Variants in TBX10 observed in about 807,000 individuals in gnomAD.
The protein encoded by TBX10 is T-box transcription factor 10, also known as T-box transcription factor TBX10.
A neutral mutation model predicts 32.4 loss-of-function variants in TBX10; 26 were observed. The ratio of observed to expected loss-of-function variants is 0.80; its 90% CI spans 0.59 to 1.11. TBX10 has a LOEUF of 1.11. Among genes scored for constraint, TBX10 ranks in the 50% most tolerant of loss-of-function variants. TBX10 has a pLI of 0.00. For synonymous variants in TBX10, 195 were observed against 203.1 expected (o/e 0.96, Z 0.34); for missense variants, 490 against 494.5 (o/e 0.99, Z 0.09).
At chr11:67,636,943 T>C (rs970351175) in intron 1 of TBX10, among the ~76,000 whole-genome samples, 5 of 152,214 alleles carry the variant, frequency 3.3e-5, no homozygotes, top group Non-Finnish European at 5.9e-5. Flanking sequence ...CCAGTGTCCA[T>C]TGGAAAATGA....
At chr11:67,640,279 AG>A (rs1248081483), upstream of TBX10, among the ~76,000 whole-genome samples, 4 of 152,250 alleles carry the variant, frequency 2.6e-5, no homozygotes, top group Non-Finnish European at 5.9e-5. Flanking sequence ...CAACGCTGGC[AG>A]GTCCCACAGT....
intron 7 of TBX10, 31 bp downstream of exon 7, chr11:67,632,287 T>C: frequency 6.2e-7 from 1 of 1,611,572 alleles, no homozygotes; most frequent in Non-Finnish European, 8.5e-7. Context: ...TACACCTTAG[T>C]CCCACTATGT....
chr11:67,632,928 T>C lies in TBX10; in HGVS notation c.705+20A>G. ...TGTGAAATGGGCCTGCAGCGGGTGC[T>C]CCCGAGCTGGTTCACCCACCCTGTG... is the stretch of plus-strand genomic sequence containing the variant. On this transcript the variant is annotated intron_variant, in intron 5 of 7. Coordinates refer to ENST00000335385, the MANE Select transcript of TBX10 (RefSeq NM_005995.5). 1 of 1,614,140 alleles carries C rather than the reference T, an allele frequency of 6.2e-7. No homozygotes were observed.
At chr11:67,638,923 G>T (rs953854854) in intron 1 of TBX10, among the ~76,000 whole-genome samples, 3 of 152,168 alleles carry the variant, frequency 2.0e-5, no homozygotes, top group African/African-American at 7.2e-5. Context: ...CCAAGGTGGG[G>T]GGGCTCATGA....
chr11:67,637,390 G>A (rs946533707), intron 1 of TBX10, among the ~76,000 whole-genome samples: 4 of 152,072 alleles, frequency 2.6e-5, no homozygotes, highest in Non-Finnish European at 4.4e-5. Context: ...GGGTACACTC[G>A]CCAGCAGCTT....
rs141184933 is a variant in TBX10 at position 67,634,847 on chromosome 11, C to A, written c.346G>T (p.Asp116Tyr). The change falls in exon 3 of 8, where the codon GAC becomes TAC. Residue 116 changes from aspartate (D) to tyrosine (Y), a missense_variant. Asp to Tyr is a radical substitution (Grantham distance 160, BLOSUM62 -3). Coordinates refer to ENST00000335385, the MANE Select transcript of TBX10 (RefSeq NM_005995.5). ...DSLADYALLMDFIPLDDKRYR... is the reference protein window; with the variant it reads ...DSLADYALLMYFIPLDDKRYR... ...CTCTTGTCGTCCAGGGGGATGAAGT[C>A]CATGAGCAGGGCGTAGTCGGCCAGG... is the stretch of plus-strand genomic sequence containing the variant. The A allele has an allele frequency of 3.7e-6, 6 of 1,613,524 alleles. No individual in the cohort carries two copies. Among genetic ancestry groups the A allele is most frequent in the Non-Finnish European group, 5.1e-6 (6 of 1,180,018 alleles).
Position 67,639,595 on chromosome 11 carries a change from A to G in TBX10, c.-123T>C, listed in dbSNP as rs1474702247. On this transcript the variant is annotated 5_prime_UTR_variant, in exon 1 of 8. Transcript: ENST00000335385. The stretch of plus-strand genomic sequence containing the variant: ...ACCTCAGCTCAGCCCTCAGGTGCTC[A>G]CACAAGCTGTAGTCTCTCGGCAGGA... The G allele has an allele frequency of 7.6e-7, 1 of 1,316,982 alleles. No homozygotes were observed. The highest frequency in any genetic ancestry group is 1.8e-5 in the Admixed American group (1 of 54,368). 81.6% of individuals were successfully genotyped at this position (1,316,982 alleles called of 1,614,324 possible).
chr11:67,637,308 C>T (rs1292469684), intron 1 of TBX10, among the ~76,000 whole-genome samples: 1 of 152,050 alleles, frequency 6.6e-6, no homozygotes, highest in East Asian at 1.9e-4. Flanking sequence ...TTTCCGGTGC[C>T]GTAAAGAAAT....
rs201389909 is a variant in TBX10 at position 67,631,729 on chromosome 11, G to C, written c.1034C>G (p.Pro345Arg). ...GATGTTGGGGAGGGGGTATGGTGCTGGTCGGGTCCTTGGGATCCCTAGGTG... is the reference window on the plus strand; with the variant it reads ...GATGTTGGGGAGGGGGTATGGTGCTCGTCGGGTCCTTGGGATCCCTAGGTG... ...PSHLGIPRTR[P>R]APYPLPNIRA... The change falls in exon 8 of 8, where the codon CCA becomes CGA. Residue 345 changes from proline (P) to arginine (R), a missense_variant. By Grantham distance (103) the Pro-to-Arg change is moderately radical (BLOSUM62 -2). Transcript: ENST00000335385. 71 of 1,610,216 alleles carry C rather than the reference G, an allele frequency of 4.4e-5. No individual in the cohort carries two copies. Among genetic ancestry groups the C allele is most frequent in the Non-Finnish European group, 3.8e-5 (45 of 1,178,744 alleles).
chr11:67,632,729 C>T (rs2134098382), intron 5 of TBX10, 59 bp from the exon 6 acceptor site: 5 of 1,605,356 alleles, frequency 3.1e-6, no homozygotes, highest in South Asian at 1.1e-5. Context: ...CCACCTTGTC[C>T]TCCCGGGAAC....
intron 1 of TBX10, 145 bp from the exon 2 acceptor site, chr11:67,635,408 C>T (rs1419810403): frequency 5.0e-6 from 6 of 1,208,226 alleles, no homozygotes; most frequent in South Asian, 1.3e-5. Context: ...CTCAGCATCA[C>T]TCTGTGAGGT....
In TBX10 at chr11:67,639,382, G is replaced by C. The variant is rs543259646; in HGVS notation, c.7+84C>G. The C allele has an allele frequency of 1.5e-4, 207 of 1,399,430 alleles. No individual in the cohort carries two copies. The African/African-American group carries it at 2.4e-3, about 17-fold the overall frequency. The allele number at this position is 1,399,430 out of a possible 1,614,324, so 86.7% of individuals were successfully genotyped here. On this transcript the variant is annotated intron_variant, in intron 1 of 7. Coordinates refer to ENST00000335385, the MANE Select transcript of TBX10 (RefSeq NM_005995.5). ...TTGTGAAGGACCTGGGTTCAGCGGG[G>C]CTGTCTTGGTTCCCACCCTGCCCAC...
chr11:67,639,789 A>G (rs995078651), upstream of TBX10, among the ~76,000 whole-genome samples: 5 of 152,098 alleles, frequency 3.3e-5, no homozygotes, highest in Middle Eastern at 3.2e-3. Flanking sequence ...GGAGGAGGGC[A>G]GGTGGGAAGG....
At chr11:67,638,147 GCAGTGAGA>G (rs1440399106) in intron 1 of TBX10, among the ~76,000 whole-genome samples, 3 of 152,068 alleles carry the variant, frequency 2.0e-5, no homozygotes, top group African/African-American at 7.2e-5. Context: ...GGTGGAGGTT[GCAGTGAGA>G]CATGTTCACA....
intron 1 of TBX10, among the ~76,000 whole-genome samples, chr11:67,635,605 A>G (rs1218237373): frequency 6.9e-6 from 1 of 144,238 alleles, no homozygotes; most frequent in African/African-American, 2.6e-5. Flanking sequence ...CACAAGGCCG[A>G]TGTGAGGATT....
upstream of TBX10, among the ~76,000 whole-genome samples, chr11:67,640,819 T>A (rs919078271): frequency 6.6e-6 from 1 of 152,038 alleles, no homozygotes; most frequent in Non-Finnish European, 1.5e-5. Flanking sequence ...CTGAGCGCTA[T>A]GTTCTGGGCG....
At chr11:67,637,487 C>T (rs770910509) in intron 1 of TBX10, among the ~76,000 whole-genome samples, 8 of 152,260 alleles carry the variant, frequency 5.3e-5, no homozygotes, top group South Asian at 2.1e-4. Flanking sequence ...TCCCATTGGC[C>T]GGAACGGGAC....
rs764777100 is a variant in TBX10 at position 67,635,369 on chromosome 11, C to A, written c.8-106G>T. 55 of 1,490,592 alleles carry A rather than the reference C, an allele frequency of 3.7e-5. 1 individual carries two copies. Among genetic ancestry groups the A allele is most frequent in the Non-Finnish European group, 4.7e-5 (51 of 1,093,704 alleles). The allele number at this position is 1,490,592 out of a possible 1,614,324, so 92.3% of individuals were successfully genotyped here. On this transcript the variant is annotated intron_variant, in intron 1 of 7. Coordinates refer to ENST00000335385, the MANE Select transcript of TBX10 (RefSeq NM_005995.5). Reference sequence around the variant, plus strand: ...TCCTCCAGGAAGCCCTCCCTGACTGCCAGGGCTGTGTTCTCACAGGATCCC... The same window carrying A: ...TCCTCCAGGAAGCCCTCCCTGACTGACAGGGCTGTGTTCTCACAGGATCCC...
At position 67,634,383 on chromosome 11, in the gene TBX10, G is replaced by A. The variant is rs1482214899; in HGVS notation, c.378-23C>T. The A allele has an allele frequency of 1.9e-6, 3 of 1,599,460 alleles. No homozygotes were observed. The Admixed American group carries it at 5.0e-5, about 27-fold the overall frequency. ...TACCTGGGGAGCACAGCGAGGTGGT[G>A]AGGGCTTCCCCAACCAGAGTCACGC... On this transcript the variant is annotated intron_variant, in intron 3 of 7. Transcript: ENST00000335385.
Sources: gnomAD v4.1 joint callset for allele counts (sites outside exome capture counted in the v4.1 genomes callset) on GRCh38, gnomAD v4.1.1 for gene constraint, MANE v1.5 for transcripts, NCBI Gene and HGNC (gene_info 2026-07-23, HGNC 2026-07-21) for gene names.